ALK: variants seen among roughly 807,000 people sequenced by gnomAD.
ALK encodes the protein ALK receptor tyrosine kinase.
In ALK, 74 loss-of-function variants were observed where a neutral mutation model predicts 163.1. The ratio of observed to expected loss-of-function variants is 0.45; its 90% CI spans 0.38 to 0.55. The LOEUF (loss-of-function observed/expected upper bound fraction) is 0.55. Ranked by LOEUF, ALK falls within the 20% of genes least tolerant of loss-of-function variation. The pLI is 0.00. For synonymous variants in ALK, 960 were observed against 843.2 expected (o/e 1.14, Z -2.40); for missense variants, 2,063 against 2,105.3 (o/e 0.98, Z 0.39).
chr2:29,266,216 A>G (rs1665217048), intron 11 of ALK, among the ~76,000 whole-genome samples: 1 of 152,150 alleles, frequency 6.6e-6, no homozygotes, highest in African/African-American at 2.4e-5. Context: ...TATTTCCCCC[A>G]AGGGGAGTTT....
At chr2:29,609,258 G>GTGAA (rs1346485794) in intron 3 of ALK, among the ~76,000 whole-genome samples, 1 of 151,986 alleles carries the variant, frequency 6.6e-6, no homozygotes, top group African/African-American at 2.4e-5. Context: ...CCTTATCTGG[G>GTGAA]TGAATAGTTG....
intron 1 of ALK, among the ~76,000 whole-genome samples, chr2:29,859,035 AAAACAAAC>A (rs70962243): frequency 6.6e-6 from 1 of 150,678 alleles, no homozygotes; most frequent in Non-Finnish European, 1.5e-5. Context: ...TCTGTCTCAA[AAAACAAAC>A]AAACAAACAA....
chr2:29,750,687 GGAAGGA>G, intron 1 of ALK, among the ~76,000 whole-genome samples: 1 of 144,984 alleles, frequency 6.9e-6, no homozygotes, highest in Admixed American at 6.9e-5. Flanking sequence ...AAGGAAGGAA[GGAAGGA>G]AGGAAGGCAG....
At chr2:29,214,789 A>G (rs1669556843) in intron 23 of ALK, among the ~76,000 whole-genome samples, 1 of 152,138 alleles carries the variant, frequency 6.6e-6, no homozygotes, top group Non-Finnish European at 1.5e-5. Flanking sequence ...TTTAATTCCT[A>G]AATCCCTGAC....
At chr2:29,830,506 G>C (rs1673815814) in intron 1 of ALK, among the ~76,000 whole-genome samples, 1 of 151,886 alleles carries the variant, frequency 6.6e-6, no homozygotes, top group Non-Finnish European at 1.5e-5. Context: ...ATCCCATCCA[G>C]GGCTAAGACC....
At chr2:29,824,618 G>A (rs1366336292) in intron 1 of ALK, among the ~76,000 whole-genome samples, 1 of 152,232 alleles carries the variant, frequency 6.6e-6, no homozygotes, top group East Asian at 1.9e-4. Flanking sequence ...TGCCTGGCTG[G>A]ATTTCAAACT....
chr2:29,713,505 G>A lies in ALK; in HGVS notation c.787+4073C>T, dbSNP rs1390340525. The stretch of plus-strand genomic sequence containing the variant: ...CTCCATTTGGTGATATCAAGTCTTG[G>A]TCCCATAGCTACCCAAGGTCTTAGA... On this transcript the variant is annotated intron_variant, in intron 2 of 28. Transcript: ENST00000389048. 2.0e-5 allele frequency among the ~76,000 whole-genome samples: 3 copies of A among 152,128 alleles called. No individual in the cohort carries two copies. The East Asian group carries it at 5.8e-4, about 29-fold the overall frequency.
chr2:29,642,128 A>G (rs1371073101), intron 3 of ALK, among the ~76,000 whole-genome samples: 1 of 152,162 alleles, frequency 6.6e-6, no homozygotes, highest in East Asian at 1.9e-4. Flanking sequence ...TCAGACATAT[A>G]GACTCTCAGC....
At chr2:29,898,448 G>A (rs933374021) in intron 1 of ALK, among the ~76,000 whole-genome samples, 2 of 152,204 alleles carry the variant, frequency 1.3e-5, no homozygotes, top group African/African-American at 4.8e-5. Context: ...AGAAATCTCA[G>A]CACCAGAGAA....
At chr2:29,239,148 C>T (rs1422385918) in intron 13 of ALK, among the ~76,000 whole-genome samples, 2 of 152,144 alleles carry the variant, frequency 1.3e-5, no homozygotes, top group East Asian at 1.9e-4. Context: ...ACCTTAACCC[C>T]GAAGGAGCAG....
intron 1 of ALK, among the ~76,000 whole-genome samples, chr2:29,868,225 G>A (rs567047631): frequency 6.6e-6 from 1 of 152,342 alleles, no homozygotes; most frequent in South Asian, 2.1e-4. Context: ...AAGATGGGAG[G>A]TGGCCAAGAG....
chr2:29,402,640 T>G (rs72854317), intron 4 of ALK, among the ~76,000 whole-genome samples: 7,772 of 152,316 alleles, frequency 0.051, 267 homozygotes, highest in Admixed American at 0.059. Context: ...TTTAAGTCTG[T>G]TCCCTTCAAA....
chr2:29,510,143 T>C (rs1672470407), intron 4 of ALK, among the ~76,000 whole-genome samples: 1 of 152,154 alleles, frequency 6.6e-6, no homozygotes, highest in African/African-American at 2.4e-5. Flanking sequence ...AAAAGGCTGC[T>C]GGGTAAGCAG....
intron 22 of ALK, among the ~76,000 whole-genome samples, chr2:29,221,782 G>A (rs574978719): frequency 5.2e-4 from 79 of 152,232 alleles, no homozygotes; most frequent in African/African-American, 1.9e-3. Flanking sequence ...GCCCCCACCT[G>A]ATCTTGAGGT....
intron 3 of ALK, among the ~76,000 whole-genome samples, chr2:29,653,407 G>A (rs1463698346): frequency 2.0e-5 from 3 of 152,032 alleles, no homozygotes; most frequent in Admixed American, 6.6e-5. Flanking sequence ...CTTTTAATTT[G>A]ACCAGACCAA....
At position 29,431,027 on chromosome 2, in the gene ALK, G is replaced by C. The variant is rs1173348754; in HGVS notation, c.1155-47168C>G. Among the ~76,000 whole-genome samples the C allele has an allele frequency of 5.3e-5, 8 of 151,718 alleles. 1 individual carries two copies. The East Asian group carries it at 1.4e-3, about 26-fold the overall frequency. ...TTTTTTTTTTCTTCTGTATCTCAGG[G>C]ATAAGAGTAAGAGTTCTTAGAAACA... On this transcript the variant is annotated intron_variant, in intron 4 of 28. Transcript: ENST00000389048.
intron 24 of ALK, among the ~76,000 whole-genome samples, chr2:29,211,893 G>C (rs1669476063): frequency 6.6e-6 from 1 of 152,154 alleles, no homozygotes; most frequent in African/African-American, 2.4e-5. Context: ...GATTACTCTG[G>C]GATCTAATTC....
intron 3 of ALK, among the ~76,000 whole-genome samples, chr2:29,614,305 G>A (rs778237590): frequency 1.3e-5 from 2 of 152,142 alleles, no homozygotes; most frequent in East Asian, 1.9e-4. Flanking sequence ...GTCGCCTCTC[G>A]AAAGTCCAGT....
At chr2:29,224,316 C>T (rs1663860435) in intron 19 of ALK, among the ~76,000 whole-genome samples, 1 of 152,190 alleles carries the variant, frequency 6.6e-6, no homozygotes, top group Admixed American at 6.5e-5. Context: ...GACCAGGTCA[C>T]AGGACCTCTT....
Sources: gnomAD v4.1 joint callset for allele counts (sites outside exome capture counted in the v4.1 genomes callset) on GRCh38, gnomAD v4.1.1 for gene constraint, MANE v1.5 for transcripts, NCBI Gene and HGNC (gene_info 2026-07-23, HGNC 2026-07-21) for gene names.